Variants in SLIT2 observed in about 807,000 individuals in gnomAD.
The protein encoded by SLIT2 is slit guidance ligand 2.
Under a neutral mutation model 185.7 loss-of-function variants are expected in SLIT2, and 41 were observed. The ratio of observed to expected loss-of-function variants is 0.22; its 90% CI spans 0.17 to 0.29. The LOEUF (loss-of-function observed/expected upper bound fraction) is 0.29. Ranked by LOEUF, SLIT2 falls within the 10% of genes least tolerant of loss-of-function variation. The pLI, the probability that SLIT2 is intolerant of heterozygous loss-of-function variation, is 1.00. For synonymous variants in SLIT2, 693 were observed against 680.2 expected (o/e 1.02, Z -0.29); for missense variants, 1,571 against 1,909.0 (o/e 0.82, Z 3.30).
chr4:20,377,129 T>G (rs1037862400), intron 4 of SLIT2, among the ~76,000 whole-genome samples: 1 of 151,970 alleles, frequency 6.6e-6, no homozygotes, highest in Non-Finnish European at 1.5e-5. Flanking sequence ...ATAGAAAAGA[T>G]AGGAAGAAGC....
chr4:20,447,230 T>G (rs1711911199), intron 4 of SLIT2, among the ~76,000 whole-genome samples: 1 of 152,178 alleles, frequency 6.6e-6, no homozygotes, highest in Non-Finnish European at 1.5e-5. Context: ...GGCAACAACT[T>G]TCAAGCCTAA....
chr4:20,477,009 G>C (rs1452309957), intron 5 of SLIT2, among the ~76,000 whole-genome samples: 1 of 151,904 alleles, frequency 6.6e-6, no homozygotes, highest in East Asian at 1.9e-4. Flanking sequence ...AGAACTTTTT[G>C]CACGTGAGGC....
chr4:20,480,457 G>A (rs916980518), intron 5 of SLIT2, among the ~76,000 whole-genome samples: 3 of 152,120 alleles, frequency 2.0e-5, no homozygotes, highest in Non-Finnish European at 2.9e-5. Flanking sequence ...CATTCCTATG[G>A]CATTTAATAT....
In SLIT2 at chr4:20,403,897, T is replaced by TAAA. The variant is rs11462563; in HGVS notation, c.396-63847_396-63845dup. ...CAAGTTAATGGCTGTTAACTGGACTTAAAAAAAAAACAAAAACAAAAGCAA... is the reference window on the plus strand; with the variant it reads ...CAAGTTAATGGCTGTTAACTGGACTTAAAAAAAAAAAAACAAAAACAAAAGCAA... On this transcript the variant is annotated intron_variant, in intron 4 of 36. Transcript: ENST00000504154. Among the ~76,000 whole-genome samples, 643 of 146,232 alleles carry TAAA rather than the reference T, an allele frequency of 4.4e-3. 4 individuals carry two copies. Among genetic ancestry groups the TAAA allele is most frequent in the African/African-American group, 0.014 (560 of 40,184 alleles).
chr4:20,558,273 G>A (rs1724425809), intron 26 of SLIT2, among the ~76,000 whole-genome samples: 1 of 151,890 alleles, frequency 6.6e-6, no homozygotes, highest in South Asian at 2.1e-4. Flanking sequence ...AGTCAATTGA[G>A]GCAGCAAAAT....
At chr4:20,375,730 C>T (rs960715225) in intron 4 of SLIT2, among the ~76,000 whole-genome samples, 21 of 151,738 alleles carry the variant, frequency 1.4e-4, no homozygotes, top group African/African-American at 4.8e-4. Flanking sequence ...ATAACATCTG[C>T]GTATGAACCC....
At chr4:20,429,795 A>G (rs1025758228) in intron 4 of SLIT2, among the ~76,000 whole-genome samples, 1 of 152,206 alleles carries the variant, frequency 6.6e-6, no homozygotes, top group Non-Finnish European at 1.5e-5. Context: ...TCTGAGTAAC[A>G]GAAATAGCAG....
At chr4:20,478,932 C>G (rs1716406627) in intron 5 of SLIT2, among the ~76,000 whole-genome samples, 1 of 152,086 alleles carries the variant, frequency 6.6e-6, no homozygotes, top group South Asian at 2.1e-4. Context: ...ACCACAGCAG[C>G]CATATTACAT....
rs750266050 is a variant in SLIT2, at chr4:20,268,866, C to G, written c.380C>G (p.Ala127Gly). The G allele has an allele frequency of 6.2e-7, 1 of 1,602,942 alleles. No homozygotes were observed. The highest frequency in any genetic ancestry group is 8.5e-7 in the Non-Finnish European group (1 of 1,170,450). ...CCTGAGTTGCTGTTTCTTGGGACTG[C>G]GAAGCTATACAGGCTGTAAGTAGAC... Reference protein sequence around the residue: ...LFPELLFLGTAKLYRLDLSEN... With the variant: ...LFPELLFLGTGKLYRLDLSEN... The change falls in exon 4 of 37, where the codon GCG becomes GGG. Residue 127 changes from alanine to glycine, a missense_variant. By Grantham distance (60) the Ala-to-Gly change is moderately conservative. Around this residue, in one of 3 missense-constraint regions of SLIT2, gnomAD observed 1,202 missense variants for 1,416.4 expected, o/e 0.85. Transcript: ENST00000504154.
chr4:20,474,507 AT>A (rs1393582831), intron 5 of SLIT2, among the ~76,000 whole-genome samples: 4 of 152,102 alleles, frequency 2.6e-5, no homozygotes, highest in Non-Finnish European at 5.9e-5. Flanking sequence ...ATCTAACAAT[AT>A]TTCTTCATAA....
chr4:20,547,182 T>C (rs757038028), intron 22 of SLIT2, among the ~76,000 whole-genome samples: 2 of 152,148 alleles, frequency 1.3e-5, no homozygotes, highest in Non-Finnish European at 2.9e-5. Context: ...TGGAAAAAGA[T>C]ATCCTCTAAG....
At position 20,335,503 on chromosome 4, in the gene SLIT2, G is replaced by C. The variant is rs1194661883; in HGVS notation, c.395+66622G>C. On this transcript the variant is annotated intron_variant, in intron 4 of 36. Coordinates refer to ENST00000504154, the MANE Select transcript of SLIT2 (RefSeq NM_004787.4). ...TTATTGAGCTTATATTATGTAACAGGGCGGGTTAAAAAATATGAGTTGAAA... is the reference window on the plus strand; with the variant it reads ...TTATTGAGCTTATATTATGTAACAGCGCGGGTTAAAAAATATGAGTTGAAA... Among the ~76,000 whole-genome samples, 4 of 152,214 alleles carry C rather than the reference G, an allele frequency of 2.6e-5. No homozygotes were observed. The East Asian group carries it at 7.7e-4, about 29-fold the overall frequency.
intron 22 of SLIT2, among the ~76,000 whole-genome samples, chr4:20,546,910 C>A (rs1316297891): frequency 1.3e-5 from 2 of 151,920 alleles, no homozygotes; most frequent in Non-Finnish European, 2.9e-5. Flanking sequence ...ATAGAAAGTA[C>A]CGTATCATTT....
At chr4:20,580,182 T>C (rs1296943637) in intron 29 of SLIT2, among the ~76,000 whole-genome samples, 3 of 150,664 alleles carry the variant, frequency 2.0e-5, no homozygotes, top group African/African-American at 7.3e-5. Context: ...TGCCTCAGCC[T>C]CCCAAGTAGC....
rs139659194 is a variant in SLIT2, at chr4:20,330,407, G to A, written c.395+61526G>A. 5.4e-3 allele frequency among the ~76,000 whole-genome samples: 827 copies of A among 152,134 alleles called. 5 individuals are homozygous for A. The highest frequency in any genetic ancestry group is 0.019 in the African/African-American group (789 of 41,498). On this transcript the variant is annotated intron_variant, in intron 4 of 36. Transcript: ENST00000504154. The stretch of plus-strand genomic sequence containing the variant: ...GGTGATAATGATGTGGTCGGTGTTA[G>A]ACTAGCACTATTGTGAATTACTCCT...
chr4:20,552,758 G>A (rs1723885737), intron 25 of SLIT2: 2 of 152,054 alleles, frequency 1.3e-5, no homozygotes, highest in Admixed American at 6.6e-5. Flanking sequence ...CTATCCTGAC[G>A]GTAGACCTAG....
chr4:20,527,221 C>T (rs1294937817), intron 15 of SLIT2, among the ~76,000 whole-genome samples: 1 of 152,072 alleles, frequency 6.6e-6, no homozygotes, highest in Non-Finnish European at 1.5e-5. Flanking sequence ...GTGTGTACCT[C>T]GCTACTACCA....
Position 20,539,361 on chromosome 4 carries a change from G to C in SLIT2, c.1833-80G>C. 4 of 1,267,532 alleles carry C rather than the reference G, an allele frequency of 3.2e-6. No homozygotes were observed. The Admixed American group carries it at 8.7e-5, about 28-fold the overall frequency. 78.5% of individuals were successfully genotyped at this position (1,267,532 alleles called of 1,614,324 possible). ...AGTAATGAATGCTACATATTTGCAA[G>C]GATCATTTCGATCCTCAGATAGGCA... On this transcript the variant is annotated intron_variant, in intron 18 of 36. Transcript: ENST00000504154.
intron 11 of SLIT2, among the ~76,000 whole-genome samples, chr4:20,515,987 T>A (rs1720175775): frequency 6.6e-6 from 1 of 152,188 alleles, no homozygotes; most frequent in South Asian, 2.1e-4. Flanking sequence ...GGCTAATTTT[T>A]TGTATTTTTA....
Sources: gnomAD v4.1 joint callset for allele counts (sites outside exome capture counted in the v4.1 genomes callset) on GRCh38, gnomAD v4.1.1 for gene constraint, gnomAD v4.1.1 regional missense constraint, MANE v1.5 for transcripts, NCBI Gene and HGNC (gene_info 2026-07-23, HGNC 2026-07-21) for gene names.